The following VDAC1 variants were observed in gnomAD, a reference collection of about 807,000 sequenced individuals.
VDAC1 encodes the protein non-selective voltage-gated ion channel VDAC1.
Under a neutral mutation model 34.7 loss-of-function variants are expected in VDAC1, and 10 were observed. The ratio of observed to expected loss-of-function variants is 0.29; its 90% CI spans 0.18 to 0.49. The LOEUF (loss-of-function observed/expected upper bound fraction) is 0.49. VDAC1 is among the 20% of genes least tolerant of loss of function. The pLI is 0.99. For missense variants in VDAC1, 230 were observed against 347.9 expected, an observed-to-expected ratio of 0.66 and a Z score of 2.69; for synonymous variants, 130 against 136.0, an observed-to-expected ratio of 0.96 and a Z score of 0.30.
chr5:133,985,801 G>A (rs2126947712), intron 5 of VDAC1, among the ~76,000 whole-genome samples: 1 of 152,336 alleles, frequency 6.6e-6, no homozygotes. Flanking sequence ...AAGGGAAAAG[G>A]AAATATAAAA....
the VDAC1 span, among the ~76,000 whole-genome samples, chr5:134,040,441 G>A: frequency 1.3e-5 from 2 of 152,202 alleles, no homozygotes; most frequent in Admixed American, 6.5e-5. Flanking sequence ...TGGGTGTGGT[G>A]GCACGTGCCT....
chr5:134,004,082 G>A (rs2127038100), intron 1 of VDAC1, among the ~76,000 whole-genome samples: 1 of 152,358 alleles, frequency 6.6e-6, no homozygotes, highest in East Asian at 1.9e-4. Context: ...CGCTCTAGAA[G>A]GCTCTGGCAC....
intron 5 of VDAC1, among the ~76,000 whole-genome samples, chr5:133,990,186 C>T (rs1156584886): frequency 2.0e-5 from 3 of 152,220 alleles, no homozygotes; most frequent in Admixed American, 1.3e-4. Flanking sequence ...AAGCCTATTA[C>T]ATCTGTGGCC....
chr5:134,095,280 G>A, the VDAC1 span, among the ~76,000 whole-genome samples: 1 of 151,626 alleles, frequency 6.6e-6, no homozygotes, highest in Non-Finnish European at 1.5e-5. Context: ...CCAGGAGTTC[G>A]AGACCAGCCT....
intron 5 of VDAC1, among the ~76,000 whole-genome samples, chr5:133,983,249 T>G (rs576314737): frequency 7.5e-6 from 1 of 132,460 alleles, no homozygotes; most frequent in South Asian, 2.4e-4. Flanking sequence ...ACTCCATCTT[T>G]AAAAAAAAAA....
the VDAC1 span, among the ~76,000 whole-genome samples, chr5:134,028,078 G>A: frequency 6.7e-6 from 1 of 149,722 alleles, no homozygotes; most frequent in Non-Finnish European, 1.5e-5. Flanking sequence ...GCCATGTCCA[G>A]GTATTTCTAT....
chr5:134,067,361 C>T, the VDAC1 span, among the ~76,000 whole-genome samples: 1 of 149,026 alleles, frequency 6.7e-6, no homozygotes, highest in Non-Finnish European at 1.5e-5. Flanking sequence ...AGGTGTGAGC[C>T]ACCGCTCCCA....
intron 1 of VDAC1, among the ~76,000 whole-genome samples, chr5:133,997,088 C>G (rs1753344068): frequency 6.6e-6 from 1 of 152,094 alleles, no homozygotes; most frequent in Non-Finnish European, 1.5e-5. Flanking sequence ...AACCAGCAGT[C>G]TGGCAAAAAC....
chr5:134,023,449 A>C, the VDAC1 span, among the ~76,000 whole-genome samples: 1 of 146,300 alleles, frequency 6.8e-6, no homozygotes, highest in East Asian at 2.0e-4. Flanking sequence ...ACAAACCTAC[A>C]TGTTCTGCAC....
chr5:134,003,850 C>T (rs1430855428), intron 1 of VDAC1, among the ~76,000 whole-genome samples: 2 of 152,218 alleles, frequency 1.3e-5, no homozygotes, highest in African/African-American at 4.8e-5. Flanking sequence ...CTTGTACAAA[C>T]CACTAAGACT....
intron 5 of VDAC1, among the ~76,000 whole-genome samples, chr5:133,984,925 G>C (rs1580716108): frequency 6.6e-6 from 1 of 152,156 alleles, no homozygotes; most frequent in Non-Finnish European, 1.5e-5. Context: ...GACAGAGTGA[G>C]ACTGTCTCAA....
the VDAC1 span, among the ~76,000 whole-genome samples, chr5:134,033,575 G>T: frequency 1.3e-5 from 2 of 150,894 alleles, no homozygotes; most frequent in Non-Finnish European, 2.9e-5. Flanking sequence ...CTCCACTTTT[G>T]TATTTCCGGG....
the VDAC1 span, among the ~76,000 whole-genome samples, chr5:134,039,554 C>T: frequency 3.9e-5 from 6 of 152,142 alleles, no homozygotes; most frequent in East Asian, 1.9e-4. Context: ...TGGTCTCGAT[C>T]TGCTGACCTC....
chr5:134,067,040 T>C, the VDAC1 span, among the ~76,000 whole-genome samples: 3 of 152,114 alleles, frequency 2.0e-5, no homozygotes, highest in Non-Finnish European at 4.4e-5. Context: ...TGCTTCTTTT[T>C]CCCCCTCTTT....
At chr5:134,077,584 G>A in the VDAC1 span, among the ~76,000 whole-genome samples, 12 of 152,250 alleles carry the variant, frequency 7.9e-5, no homozygotes, top group South Asian at 2.1e-4. Flanking sequence ...CATCATGATC[G>A]GAACTAATGT....
the VDAC1 span, among the ~76,000 whole-genome samples, chr5:134,031,466 T>A: frequency 6.6e-6 from 1 of 152,116 alleles, no homozygotes; most frequent in Non-Finnish European, 1.5e-5. Context: ...CTAAATGCAA[T>A]CACAAGTCTG....
chr5:134,075,419 A>G, the VDAC1 span, among the ~76,000 whole-genome samples: 1 of 152,288 alleles, frequency 6.6e-6, no homozygotes, highest in African/African-American at 2.4e-5. Context: ...CACTACTCAC[A>G]CTACTATTCA....
the VDAC1 span, among the ~76,000 whole-genome samples, chr5:134,080,128 G>A: frequency 8.4e-3 from 1,281 of 152,344 alleles, 14 homozygotes; most frequent in African/African-American, 0.029. Context: ...CATCAAAGCC[G>A]GCTGAGCATT....
At chr5:134,093,794 C>T in the VDAC1 span, among the ~76,000 whole-genome samples, 1 of 152,186 alleles carries the variant, frequency 6.6e-6, no homozygotes, top group African/African-American at 2.4e-5. Flanking sequence ...GCGAGGGTAC[C>T]ACTCTCTGCT....
Sources: allele counts gnomAD v4.1 joint callset (sites outside exome capture counted in the v4.1 genomes callset), GRCh38; gene constraint gnomAD v4.1.1; transcripts MANE v1.5; gene names NCBI Gene and HGNC (gene_info 2026-07-23, HGNC 2026-07-21).